Variants in RIF1 observed in about 807,000 individuals in gnomAD.
RIF1 encodes replication timing regulatory factor 1.
In RIF1, 45 loss-of-function variants were observed where a neutral mutation model predicts 247.1. The observed-to-expected ratio is 0.18, with a 90% CI of 0.14 to 0.23. The LOEUF (loss-of-function observed/expected upper bound fraction) is 0.23, where lower values mean the gene tolerates loss of function less well. RIF1 is among the 10% of genes least tolerant of loss of function. The pLI is 1.00. For missense variants in RIF1, 2,967 were observed against 2,862.5 expected, an observed-to-expected ratio of 1.04 and a Z score of -0.83; for synonymous variants, 1,087 against 978.8, an observed-to-expected ratio of 1.11 and a Z score of -2.06.
At chr2:151,455,639 G>A (rs1397742804) in intron 22 of RIF1, among the ~76,000 whole-genome samples, 1 of 143,198 alleles carries the variant, frequency 7.0e-6, no homozygotes, top group Admixed American at 7.0e-5. Context: ...GATATTATAA[G>A]GAATCTAGAG....
In RIF1 at chr2:151,464,489, A is replaced by G. The variant is rs772030906; in HGVS notation, c.4969A>G (p.Ser1657Gly). The change falls in exon 30 of 36, where the codon AGC (serine) becomes GGC (glycine). Residue 1657 changes from serine to glycine, a missense_variant. Coordinates refer to ENST00000444746, the MANE Select transcript of RIF1 (RefSeq NM_018151.5). ...PNVCEEKNET[S>G]KYAEYSFTSL... ...TGTGTGTGAGGAAAAAAATGAAACT[A>G]GCAAATATGCAGAATATTCCTTTAC... 3 of 1,612,682 alleles carry G rather than the reference A, an allele frequency of 1.9e-6. No individual in the cohort carries two copies. Among genetic ancestry groups the G allele is most frequent in the South Asian group, 2.2e-5 (2 of 90,442 alleles).
intron 11 of RIF1, 113 bp from the exon 12 acceptor site, chr2:151,436,714 T>G: frequency 1.3e-6 from 1 of 773,946 alleles, no homozygotes; most frequent in Non-Finnish European, 2.0e-6. Flanking sequence ...GATTAATGCC[T>G]GAGACATTTA....
At chr2:151,432,129 C>T (rs1016562036) in intron 9 of RIF1, among the ~76,000 whole-genome samples, 3 of 152,106 alleles carry the variant, frequency 2.0e-5, no homozygotes, top group African/African-American at 7.2e-5. Flanking sequence ...CTGCCTTAGG[C>T]TCCTGAGTAG....
intron 10 of RIF1, among the ~76,000 whole-genome samples, chr2:151,495,956 C>G (rs1409200340): frequency 6.6e-6 from 1 of 152,106 alleles, no homozygotes; most frequent in Non-Finnish European, 1.5e-5. Flanking sequence ...CCCACACGTA[C>G]CCGTCCTAAA....
In RIF1 at chr2:151,458,920, G is replaced by T; in HGVS notation, c.2955+10G>T. Reference sequence around the variant, plus strand: ...ACCATATTCTGATGGAGTAAGTTGGGGGGTTTTATTGTTCATTTGTTTTTG... The same window carrying T: ...ACCATATTCTGATGGAGTAAGTTGGTGGGTTTTATTGTTCATTTGTTTTTG... On this transcript the variant is annotated intron_variant, in intron 25 of 35. Transcript: ENST00000444746. The T allele has an allele frequency of 6.6e-7, 1 of 1,503,860 alleles. No individual in the cohort carries two copies. The highest frequency in any genetic ancestry group is 9.2e-7 in the Non-Finnish European group (1 of 1,088,530). The allele number at this position is 1,503,860 out of a possible 1,614,324, so 93.2% of individuals were successfully genotyped here.
In RIF1 at chr2:151,492,116, C is replaced by G. The variant is rs779976092; in HGVS notation, c.*416-3113C>G. The G allele has an allele frequency of 2.5e-6, 4 of 1,613,958 alleles. No homozygotes were observed. In the East Asian group the frequency reaches 8.9e-5, roughly 36 times the overall value. On this transcript the variant is annotated intron_variant and NMD_transcript_variant, in intron 9 of 13. Coordinates refer to the RIF1 transcript ENST00000454583. ...CAGTTACCTGTAATAGTCTCCTGAT[C>G]TTGGTCATTCCGTTTTTGTTCCATT... is the stretch of plus-strand genomic sequence containing the variant.
chr2:151,433,744 C>T (rs549259798), intron 10 of RIF1, among the ~76,000 whole-genome samples: 221 of 152,182 alleles, frequency 1.5e-3, no homozygotes, highest in African/African-American at 4.9e-3. Flanking sequence ...CATGAGCCAC[C>T]GCGCCTGGCC....
the RIF1 span, among the ~76,000 whole-genome samples, chr2:151,523,640 G>C: frequency 6.6e-6 from 1 of 152,200 alleles, no homozygotes; most frequent in Non-Finnish European, 1.5e-5. Flanking sequence ...GGGAATTTTA[G>C]ATAATTGGCC....
the RIF1 span, among the ~76,000 whole-genome samples, chr2:151,524,020 A>C: frequency 5.0e-3 from 760 of 152,256 alleles, 7 homozygotes; most frequent in African/African-American, 0.017. Flanking sequence ...GCCTGGGGAG[A>C]GGTTCCAGTA....
intron 8 of RIF1, among the ~76,000 whole-genome samples, chr2:151,426,167 AATTT>A (rs1689043926): frequency 2.4e-5 from 2 of 83,854 alleles, no homozygotes; most frequent in African/African-American, 8.5e-5. Context: ...TTTGGCTTTT[AATTT>A]TTTTTTTTTT....
intron 13 of RIF1, chr2:151,507,060 GTTTTC>G (rs752975981): frequency 1.7e-6 from 2 of 1,180,098 alleles, no homozygotes; most frequent in Non-Finnish European, 2.5e-6. Flanking sequence ...ACATTGCTTT[GTTTTC>G]TTTATTTGTC....
Position 151,464,698 on chromosome 2 carries a change from G to A in RIF1, c.5178G>A (p.Val1726=), listed in dbSNP as rs774989223. The A allele has an allele frequency of 1.9e-6, 3 of 1,613,136 alleles. No homozygotes were observed. In the East Asian group the frequency reaches 6.7e-5, roughly 36 times the overall value. ...LECQHKRSRR[V]RRSKGCDCCG... ...GCCAACACAAGAGAAGTAGGAGGGT[G>A]AGGAGATCTAAAGGTTGTGATTGCT... Residue 1726 remains valine, a synonymous_variant, in exon 30 of 36, where the codon GTG becomes GTA. Coordinates refer to ENST00000444746, the MANE Select transcript of RIF1 (RefSeq NM_018151.5).
chr2:151,448,569 T>C (rs954791387), intron 20 of RIF1, among the ~76,000 whole-genome samples: 3 of 152,220 alleles, frequency 2.0e-5, no homozygotes, highest in Admixed American at 6.5e-5. Flanking sequence ...TGAAGTATTA[T>C]AGTGTTTTGT....
In RIF1 at chr2:151,489,757, G is replaced by GTT. The variant is rs372813378; in HGVS notation, c.*416-5463_*416-5462dup. ...AACTGATGCTTTGCTCTAGGTTTGG[G>GTT]TTTTTTTTTTAAGTTATTGAATAAT... On this transcript the variant is annotated intron_variant and NMD_transcript_variant, in intron 9 of 13. Transcript: ENST00000454583. Among the ~76,000 whole-genome samples, 9 of 148,090 alleles carry GTT rather than the reference G, an allele frequency of 6.1e-5. No homozygotes were observed. In the East Asian group the frequency reaches 1.8e-3, roughly 29 times the overall value.
At chr2:151,413,950 T>C (rs1686732782) in intron 3 of RIF1, among the ~76,000 whole-genome samples, 1 of 152,208 alleles carries the variant, frequency 6.6e-6, no homozygotes, top group Non-Finnish European at 1.5e-5. Flanking sequence ...AACTTTCATA[T>C]TGAGATACTC....
intron 10 of RIF1, among the ~76,000 whole-genome samples, chr2:151,433,811 A>AT (rs1281403016): frequency 6.6e-6 from 1 of 152,112 alleles, no homozygotes; most frequent in Non-Finnish European, 1.5e-5. Context: ...AAGCATTATG[A>AT]TTTTAAACAA....
intron 9 of RIF1, among the ~76,000 whole-genome samples, chr2:151,491,021 G>A (rs1465972603): frequency 6.7e-6 from 1 of 148,620 alleles, no homozygotes; most frequent in Non-Finnish European, 1.5e-5. Context: ...TTTGAGGACT[G>A]TCTCTACATA....
intron 10 of RIF1, chr2:151,496,402 A>T: frequency 1.9e-6 from 3 of 1,574,540 alleles, no homozygotes; most frequent in Non-Finnish European, 2.6e-6. Flanking sequence ...AAAAACAACC[A>T]TGAGTAACAT....
chr2:151,506,781 A>C (rs2069354952), intron 13 of RIF1: 1 of 657,762 alleles, frequency 1.5e-6, no homozygotes, highest in Admixed American at 3.1e-5. Flanking sequence ...GATTTTAGCA[A>C]ATCACTGCTA....
Sources: allele counts gnomAD v4.1 joint callset (sites outside exome capture counted in the v4.1 genomes callset), GRCh38; gene constraint gnomAD v4.1.1; transcripts MANE v1.5; gene names NCBI Gene and HGNC (gene_info 2026-07-23, HGNC 2026-07-21).